Variants in PIEZO2 observed in about 807,000 individuals in gnomAD.
The protein encoded by PIEZO2 is piezo-type mechanosensitive ion channel component 2.
A neutral mutation model predicts 337.3 loss-of-function variants in PIEZO2; 172 were observed. The observed-to-expected ratio is 0.51, with a 90% confidence interval of 0.45 to 0.58. PIEZO2 has a LOEUF of 0.58. PIEZO2 is among the 20% of genes least tolerant of loss of function. The probability of loss-of-function intolerance (pLI) is 0.00; values close to 1 mark genes in which losing one functional copy is unlikely to be tolerated. For synonymous variants in PIEZO2, 1,251 were observed against 1,228.5 expected, an observed-to-expected ratio of 1.02 and a Z score of -0.38; for missense variants, 3,028 against 3,391.3, an observed-to-expected ratio of 0.89 and a Z score of 2.66.
At chr18:10,738,359 C>T (rs1489678709) in intron 33 of PIEZO2, 1 of 152,214 alleles carries the variant, frequency 6.6e-6, no homozygotes, top group Non-Finnish European at 1.5e-5. Flanking sequence ...ATCATACCTT[C>T]GATAACTTTT....
At chr18:11,135,585 T>C (rs1026285730) in intron 1 of PIEZO2, among the ~76,000 whole-genome samples, 10 of 152,326 alleles carry the variant, frequency 6.6e-5, no homozygotes, top group African/African-American at 2.4e-4. Context: ...TCTAGCTCTG[T>C]TGCCCAGGCT....
chr18:10,697,555 T>C (rs2035149221), intron 45 of PIEZO2, among the ~76,000 whole-genome samples, 193 bp downstream of exon 45: 1 of 152,228 alleles, frequency 6.6e-6, no homozygotes, highest in African/African-American at 2.4e-5. Context: ...ATGCAATGGA[T>C]ATAAAATGAA....
In PIEZO2 at chr18:10,808,843, G is replaced by C. The variant is rs1412875932; in HGVS notation, c.918-1569C>G. On this transcript the variant is annotated intron_variant, in intron 7 of 55. Transcript: ENST00000674853. ...TTTCGATGTAAAATCAGACAAGCTAGATAGTCTCTTGGGTTAATCTAAGTG... is the reference window on the plus strand; with the variant it reads ...TTTCGATGTAAAATCAGACAAGCTACATAGTCTCTTGGGTTAATCTAAGTG... Among the ~76,000 whole-genome samples the C allele has an allele frequency of 3.3e-5, 5 of 152,338 alleles. No individual in the cohort carries two copies. The East Asian group carries it at 9.6e-4, about 29-fold the overall frequency.
rs913596896 is a variant in PIEZO2, at chr18:10,824,056, C to T, written c.918-16782G>A. Among the ~76,000 whole-genome samples, 2 of 152,184 alleles carry T rather than the reference C, an allele frequency of 1.3e-5. No individual in the cohort carries two copies. Among genetic ancestry groups the T allele is most frequent in the Admixed American group, 6.5e-5 (1 of 15,276 alleles). On this transcript the variant is annotated intron_variant, in intron 7 of 55. Coordinates refer to ENST00000674853, the MANE Select transcript of PIEZO2 (RefSeq NM_001378183.1). This position sits in a 1 kb window ranked among gnomAD's most constrained non-coding sequence, Gnocchi z 4.4. The stretch of plus-strand genomic sequence containing the variant: ...ATGAATATTTAACTCACTTTTTCTA[C>T]ATATGTATGCACCCATAAATAATAC...
chr18:10,752,730 T>C lies in PIEZO2; in HGVS notation c.4073A>G (p.Asp1358Gly). 2 of 1,537,172 alleles carry C rather than the reference T, an allele frequency of 1.3e-6. No individual in the cohort carries two copies. Among genetic ancestry groups the C allele is most frequent in the East Asian group, 4.9e-5 (2 of 40,922 alleles). Residue 1358 changes from aspartate (D) to glycine (G), a missense_variant, in exon 28 of 56, where the codon GAT becomes GGT. Around this residue, in one of 5 missense-constraint regions of PIEZO2, gnomAD observed 1,925 missense variants for 2,051.9 expected, o/e 0.94. Transcript: ENST00000674853. ...ACFYFLLFGGDLLLKPIKSIL... is the reference protein window; with the variant it reads ...ACFYFLLFGGGLLLKPIKSIL... ...GCTCTTGATGGGTTTCAACAGCAAA[T>C]CGCCCCCAAAGAGCAGGAAGTAGAA...
At chr18:10,804,617 G>A (rs917679869) in intron 8 of PIEZO2, among the ~76,000 whole-genome samples, 4 of 152,164 alleles carry the variant, frequency 2.6e-5, no homozygotes, top group African/African-American at 9.7e-5. Flanking sequence ...CATTGTCTGG[G>A]TCCCAGTGCA....
chr18:10,842,362 T>C lies in PIEZO2; in HGVS notation c.917+12991A>G, dbSNP rs2041223763. On this transcript the variant is annotated intron_variant, in intron 7 of 55. Transcript: ENST00000674853. ...TAGAGGTGGTGCCTAATCAGGGGTGTTTGGGTCACGGGAGCAGATCACTCA... is the reference window on the plus strand; with the variant it reads ...TAGAGGTGGTGCCTAATCAGGGGTGCTTGGGTCACGGGAGCAGATCACTCA... Among the ~76,000 whole-genome samples the C allele has an allele frequency of 2.6e-5, 4 of 152,134 alleles. No homozygotes were observed. The South Asian group carries it at 8.3e-4, about 32-fold the overall frequency.
intron 21 of PIEZO2, 60 bp downstream of exon 21, chr18:10,770,088 G>A: frequency 1.3e-6 from 2 of 1,492,804 alleles, no homozygotes; most frequent in Admixed American, 4.3e-5. Flanking sequence ...AGCTGGAAAA[G>A]GAAAATGATG....
chr18:10,849,443 A>G (rs1210734919), intron 7 of PIEZO2, among the ~76,000 whole-genome samples: 5 of 152,224 alleles, frequency 3.3e-5, no homozygotes, highest in African/African-American at 1.2e-4. Context: ...TATCACGTAC[A>G]GGTGTGTTTT....
intron 1 of PIEZO2, among the ~76,000 whole-genome samples, chr18:11,121,531 A>C (rs2040028222): frequency 6.6e-6 from 1 of 152,080 alleles, no homozygotes; most frequent in Non-Finnish European, 1.5e-5. Flanking sequence ...GCACCTCTGC[A>C]CTCCAGCCTG....
At chr18:10,925,339 C>A (rs1409867395) in intron 3 of PIEZO2, among the ~76,000 whole-genome samples, 1 of 151,934 alleles carries the variant, frequency 6.6e-6, no homozygotes, top group Non-Finnish European at 1.5e-5. Flanking sequence ...TAAAACAGAC[C>A]CGCTAATTTA....
rs138438283 is a variant in PIEZO2, at chr18:10,922,500, T to C, written c.287-11272A>G. The stretch of plus-strand genomic sequence containing the variant: ...ATGGGAGTCCTTATAAACTGAAGGG[T>C]AGGAACCAGGGGCTGAGCAGAGGCT... On this transcript the variant is annotated intron_variant, in intron 3 of 55. Coordinates refer to ENST00000674853, the MANE Select transcript of PIEZO2 (RefSeq NM_001378183.1). Among the ~76,000 whole-genome samples the C allele has an allele frequency of 9.9e-4, 151 of 151,902 alleles. 1 individual carries two copies. The highest frequency in any genetic ancestry group is 3.4e-3 in the African/African-American group (140 of 41,448).
intron 3 of PIEZO2, among the ~76,000 whole-genome samples, chr18:10,951,903 TGA>T (rs1379131662): frequency 6.6e-6 from 1 of 152,230 alleles, no homozygotes; most frequent in Non-Finnish European, 1.5e-5. Context: ...TGAATGATTA[TGA>T]GATATGAAAC....
intron 2 of PIEZO2, among the ~76,000 whole-genome samples, chr18:11,023,863 G>A (rs961210002): frequency 6.6e-6 from 1 of 152,220 alleles, no homozygotes; most frequent in Non-Finnish European, 1.5e-5. Context: ...GGGGGACCCA[G>A]TACAGCCTCC....
At chr18:11,138,659 A>C (rs897837052) in intron 1 of PIEZO2, among the ~76,000 whole-genome samples, 6 of 152,214 alleles carry the variant, frequency 3.9e-5, no homozygotes, top group Admixed American at 3.9e-4. Context: ...TGGGGATATC[A>C]ACAAGGACTA....
In PIEZO2 at chr18:10,746,540, AG is replaced by A. The variant is rs1162537899; in HGVS notation, c.4424+1930del. ...CTTGATGTGACCTCATGGCTCCCGG[AG>A]TGTCTCCTACCATCACACCTGCTGT... is the stretch of plus-strand genomic sequence containing the variant. On this transcript the variant is annotated intron_variant, in intron 30 of 55. Transcript: ENST00000674853. This position sits in a 1 kb window ranked among gnomAD's most constrained non-coding sequence, Gnocchi z 4.2. Among the ~76,000 whole-genome samples, 3 of 152,154 alleles carry A rather than the reference AG, an allele frequency of 2.0e-5. No individual in the cohort carries two copies. Among genetic ancestry groups the A allele is most frequent in the Non-Finnish European group, 4.4e-5 (3 of 68,034 alleles).
At position 10,855,598 on chromosome 18, in the gene PIEZO2, G is replaced by A; in HGVS notation, c.704-32C>T. On this transcript the variant is annotated intron_variant, in intron 6 of 55. Transcript: ENST00000674853. The surrounding 1 kb of genome is among the most constrained non-coding windows in gnomAD (Gnocchi z 4.9). ...AAGAGAAACGTAATCACAAAGTCAG[G>A]TAGAACTGGAAATTCACTTATCATT... is the stretch of plus-strand genomic sequence containing the variant. 1 of 1,463,248 alleles carries A rather than the reference G, an allele frequency of 6.8e-7. No individual in the cohort carries two copies. Among genetic ancestry groups the A allele is most frequent in the South Asian group, 1.2e-5 (1 of 81,622 alleles). 90.6% of individuals were successfully genotyped at this position (1,463,248 alleles called of 1,614,324 possible). A position where few individuals can be genotyped will look rare whatever the true frequency, so the allele number is the denominator to read the frequency against.
At position 10,943,889 on chromosome 18, in the gene PIEZO2, C is replaced by T. The variant is rs775562838; in HGVS notation, c.287-32661G>A. Among the ~76,000 whole-genome samples the T allele has an allele frequency of 2.0e-5, 3 of 152,196 alleles. No homozygotes were observed. The highest frequency in any genetic ancestry group is 1.9e-4 in the East Asian group (1 of 5,170). Reference sequence around the variant, plus strand: ...TTCTCATGATAGTGAATGGGTCTCACGAGATCTGATGGCTTTAAAAATGGG... The same window carrying T: ...TTCTCATGATAGTGAATGGGTCTCATGAGATCTGATGGCTTTAAAAATGGG... On this transcript the variant is annotated intron_variant, in intron 3 of 55. Coordinates refer to ENST00000674853, the MANE Select transcript of PIEZO2 (RefSeq NM_001378183.1). This position sits in a 1 kb window ranked among gnomAD's most constrained non-coding sequence, Gnocchi z 4.5.
rs1568140866 is a variant in PIEZO2 at position 10,862,524 on chromosome 18, T to C, written c.493-5313A>G. Among the ~76,000 whole-genome samples the C allele has an allele frequency of 1.3e-5, 2 of 152,192 alleles. No homozygotes were observed. The highest frequency in any genetic ancestry group is 2.9e-5 in the Non-Finnish European group (2 of 68,040). ...CATTAAGCCGTGGCATCCACCATGA[T>C]TTCCACTCAATTTTGGACAAAGAAG... On this transcript the variant is annotated intron_variant, in intron 5 of 55. Transcript: ENST00000674853. This position sits in a 1 kb window ranked among gnomAD's most constrained non-coding sequence, Gnocchi z 4.4.
Sources: allele counts gnomAD v4.1 joint callset (sites outside exome capture counted in the v4.1 genomes callset), GRCh38; gene constraint gnomAD v4.1.1; regional missense constraint gnomAD v4.1.1; non-coding constraint Gnocchi (gnomAD v3.1); transcripts MANE v1.5; gene names NCBI Gene and HGNC (gene_info 2026-07-23, HGNC 2026-07-21).